RPS6KC1: variants seen among roughly 807,000 people sequenced by gnomAD.
The protein encoded by RPS6KC1 is ribosomal protein S6 kinase C1.
A neutral mutation model predicts 103.8 loss-of-function variants in RPS6KC1; 54 were observed. The observed-to-expected ratio is 0.52, with a 90% confidence interval of 0.42 to 0.65. RPS6KC1 has a LOEUF of 0.65. Among genes scored for constraint, RPS6KC1 ranks in the 30% least tolerant of loss-of-function variants. RPS6KC1 has a pLI of 0.00. For missense variants in RPS6KC1, 1,151 were observed against 1,253.8 expected (o/e 0.92, Z 1.24); for synonymous variants, 439 against 438.7 (o/e 1.00, Z -0.01).
At chr1:213,127,848 T>A (rs1210965802) in intron 5 of RPS6KC1, among the ~76,000 whole-genome samples, 1 of 152,160 alleles carries the variant, frequency 6.6e-6, no homozygotes, top group Admixed American at 6.5e-5. Flanking sequence ...ATTTCGAAGA[T>A]CTTTATAACT....
At chr1:213,402,849 A>G in the RPS6KC1 span, among the ~76,000 whole-genome samples, 1 of 151,970 alleles carries the variant, frequency 6.6e-6, no homozygotes, top group African/African-American at 2.4e-5. Flanking sequence ...CGGGGTAATT[A>G]AAAAATATAC....
the RPS6KC1 span, among the ~76,000 whole-genome samples, chr1:213,685,042 T>C: frequency 6.6e-6 from 1 of 152,310 alleles, no homozygotes; most frequent in East Asian, 1.9e-4. Flanking sequence ...CCTCTCCTTT[T>C]GGAAATTCTC....
At chr1:213,789,527 C>G in the RPS6KC1 span, among the ~76,000 whole-genome samples, 1 of 152,152 alleles carries the variant, frequency 6.6e-6, no homozygotes, top group Non-Finnish European at 1.5e-5. Flanking sequence ...GTAGCTACGT[C>G]ACCATGTGAG....
At chr1:213,158,286 G>A (rs2090118388) in intron 6 of RPS6KC1, among the ~76,000 whole-genome samples, 1 of 152,198 alleles carries the variant, frequency 6.6e-6, no homozygotes, top group South Asian at 2.1e-4. Flanking sequence ...TTGGTTACTA[G>A]CCTTAACAGG....
chr1:213,345,968 T>C, the RPS6KC1 span, among the ~76,000 whole-genome samples: 1 of 152,228 alleles, frequency 6.6e-6, no homozygotes, highest in Admixed American at 6.5e-5. Context: ...AGCTTTTTAT[T>C]GTGTAATAAT....
intron 12 of RPS6KC1, 118 bp downstream of exon 12, chr1:213,242,776 T>A: frequency 5.0e-6 from 4 of 807,480 alleles, no homozygotes; most frequent in South Asian, 1.7e-5. Flanking sequence ...TTGGATTTGG[T>A]TATCTGTTTA....
chr1:213,776,297 C>T, the RPS6KC1 span, among the ~76,000 whole-genome samples: 1 of 152,104 alleles, frequency 6.6e-6, no homozygotes, highest in African/African-American at 2.4e-5. Context: ...GGCAGCTATA[C>T]CCTCATAAAA....
At chr1:213,129,933 G>C (rs767785864) in intron 6 of RPS6KC1, 44 bp downstream of exon 6, 123 of 1,522,644 alleles carry the variant, frequency 8.1e-5, no homozygotes, top group Non-Finnish European at 9.5e-5. Context: ...TCTTTTGTTG[G>C]TATGTGGGAA....
At chr1:213,357,574 A>C in the RPS6KC1 span, among the ~76,000 whole-genome samples, 1 of 152,232 alleles carries the variant, frequency 6.6e-6, no homozygotes, top group Admixed American at 6.5e-5. Context: ...AGGTCTGACC[A>C]GCAGGGCTCT....
At chr1:213,077,908 C>A in intron 3 of RPS6KC1, 92 bp downstream of exon 3, 1 of 594,800 alleles carries the variant, frequency 1.7e-6, no homozygotes. Context: ...AAGTCAGAAG[C>A]CCTTTTACTT....
At chr1:213,727,618 A>G in the RPS6KC1 span, among the ~76,000 whole-genome samples, 3 of 152,248 alleles carry the variant, frequency 2.0e-5, no homozygotes, top group East Asian at 5.8e-4. Context: ...GATATTCCCA[A>G]CAATATTAAA....
the RPS6KC1 span, among the ~76,000 whole-genome samples, chr1:213,472,302 G>A: frequency 1.3e-5 from 2 of 152,228 alleles, no homozygotes; most frequent in South Asian, 2.1e-4. Context: ...TTCTATTATG[G>A]TGAACATAAT....
chr1:213,412,492 G>A, the RPS6KC1 span, among the ~76,000 whole-genome samples: 2 of 152,332 alleles, frequency 1.3e-5, no homozygotes, highest in African/African-American at 2.4e-5. Flanking sequence ...TGACATTTCT[G>A]TATGTTTCCT....
chr1:213,361,370 A>G, the RPS6KC1 span, among the ~76,000 whole-genome samples: 2 of 152,252 alleles, frequency 1.3e-5, no homozygotes, highest in African/African-American at 4.8e-5. Context: ...AGCGGGATAT[A>G]ATCTCCTGGT....
the RPS6KC1 span, among the ~76,000 whole-genome samples, chr1:213,520,113 T>C: frequency 5.9e-5 from 9 of 152,198 alleles, 1 homozygote; most frequent in Admixed American, 1.3e-4. Context: ...ACCTGTCTCC[T>C]TCTTGCTCTT....
chr1:213,535,588 C>T, the RPS6KC1 span, among the ~76,000 whole-genome samples: 8 of 151,662 alleles, frequency 5.3e-5, no homozygotes, highest in African/African-American at 1.9e-4. Context: ...CTTAATAAAA[C>T]AGGTAATCCC....
the RPS6KC1 span, among the ~76,000 whole-genome samples, chr1:213,628,741 C>T: frequency 6.6e-6 from 1 of 152,130 alleles, no homozygotes. Context: ...TTTCCCTCTA[C>T]ACTCTGCTTT....
rs115693380 is a variant in RPS6KC1 at position 213,231,054 on chromosome 1, G to A, written c.1092+510G>A. Reference sequence around the variant, plus strand: ...ACTTTTCTTTCTATCCTTTCATCACGGTTGATAGCATGCATTTAACAACAT... The same window carrying A: ...ACTTTTCTTTCTATCCTTTCATCACAGTTGATAGCATGCATTTAACAACAT... On this transcript the variant is annotated intron_variant, in intron 9 of 14. Transcript: ENST00000366960. Among the ~76,000 whole-genome samples the A allele has an allele frequency of 4.7e-3, 712 of 151,806 alleles. 5 individuals are homozygous for A. The highest frequency in any genetic ancestry group is 0.016 in the African/African-American group (676 of 41,356).
chr1:213,455,988 T>G, the RPS6KC1 span, among the ~76,000 whole-genome samples: 2 of 152,096 alleles, frequency 1.3e-5, no homozygotes, highest in Non-Finnish European at 2.9e-5. Flanking sequence ...ATAATTCCAG[T>G]GCTTCTCTTT....
Sources: allele counts gnomAD v4.1 joint callset (sites outside exome capture counted in the v4.1 genomes callset), GRCh38; gene constraint gnomAD v4.1.1; transcripts MANE v1.5; gene names NCBI Gene and HGNC (gene_info 2026-07-23, HGNC 2026-07-21).